The following VPS13B variants were observed in gnomAD, a reference collection of about 807,000 sequenced individuals.
The protein encoded by VPS13B is vacuolar protein sorting 13 homolog B.
VPS13B carries 285 observed loss-of-function variants against 426.4 expected under a neutral mutation model. The observed-to-expected ratio is 0.67, with a 90% CI of 0.61 to 0.74. The LOEUF (loss-of-function observed/expected upper bound fraction) is 0.74, where lower values mean the gene tolerates loss of function less well. VPS13B is among the 30% of genes least tolerant of loss of function. VPS13B has a pLI of 0.00. For missense variants in VPS13B, 4,537 were observed against 4,782.6 expected (o/e 0.95, Z 1.51); for synonymous variants, 1,676 against 1,676.4 (o/e 1.00, Z 0.01).
chr8:99,020,136 CTTG>C (rs1184906539), intron 2 of VPS13B, among the ~76,000 whole-genome samples: 3 of 127,786 alleles, frequency 2.3e-5, no homozygotes, highest in South Asian at 3.1e-4. Flanking sequence ...GTCACTAACA[CTTG>C]TTGTTTTACG....
intron 24 of VPS13B, among the ~76,000 whole-genome samples, chr8:99,468,144 C>T (rs1000408782): frequency 1.9e-4 from 29 of 152,028 alleles, no homozygotes; most frequent in African/African-American, 6.8e-4. Context: ...ATGCTATCCC[C>T]CGACCCCCCA....
At chr8:99,757,285 CA>C (rs767327757) in intron 39 of VPS13B, among the ~76,000 whole-genome samples, 9 of 152,198 alleles carry the variant, frequency 5.9e-5, no homozygotes, top group African/African-American at 9.6e-5. Context: ...ACCAGACTTA[CA>C]CCGTCAGCTA....
intron 22 of VPS13B, among the ~76,000 whole-genome samples, chr8:99,437,403 TTA>T (rs1817438163): frequency 6.7e-6 from 1 of 148,954 alleles, no homozygotes; most frequent in African/African-American, 2.6e-5. Context: ...GTCTTTTTTT[TTA>T]AAAAAAAATA....
intron 19 of VPS13B, among the ~76,000 whole-genome samples, chr8:99,278,319 T>C (rs1041729253): frequency 6.6e-6 from 1 of 152,152 alleles, no homozygotes; most frequent in African/African-American, 2.4e-5. Flanking sequence ...GCCTTTTGAC[T>C]GTGATTTGAG....
At chr8:99,365,580 G>A (rs1166216641) in intron 19 of VPS13B, among the ~76,000 whole-genome samples, 2 of 143,020 alleles carry the variant, frequency 1.4e-5, no homozygotes, top group East Asian at 2.0e-4. Flanking sequence ...GCAGTGGCAC[G>A]ATCTCGGCTC....
chr8:99,128,210 A>T (rs1020810187), intron 8 of VPS13B, among the ~76,000 whole-genome samples: 5 of 151,342 alleles, frequency 3.3e-5, no homozygotes, highest in Admixed American at 2.6e-4. Context: ...CCAACATGGA[A>T]ACCCCGTCTT....
chr8:99,638,816 A>G lies in VPS13B; in HGVS notation c.5221-2995A>G, dbSNP rs371710043. On this transcript the variant is annotated intron_variant, in intron 33 of 61. Coordinates refer to ENST00000357162, the MANE Select transcript of VPS13B (RefSeq NM_152564.5). ...GAATTCTCCATTTACATTTCTTTAT[A>G]TCGTAACAATCATGTAACTCTAGTC... Among the ~76,000 whole-genome samples the G allele has an allele frequency of 9.2e-5, 14 of 152,170 alleles. 1 individual carries two copies. The East Asian group carries it at 2.7e-3, about 29-fold the overall frequency.
At chr8:99,871,762 A>C in intron 61 of VPS13B, 65 bp downstream of exon 61, 1 of 1,608,792 alleles carries the variant, frequency 6.2e-7, no homozygotes, top group Non-Finnish European at 8.5e-7. Context: ...CAGGCTGGTC[A>C]CTGGTACCTA....
intron 39 of VPS13B, among the ~76,000 whole-genome samples, chr8:99,752,886 A>C (rs1333773519): frequency 6.6e-6 from 1 of 152,212 alleles, no homozygotes; most frequent in Admixed American, 6.5e-5. Context: ...TTGGTTTATG[A>C]GCATTGCTTA....
chr8:99,322,170 G>A (rs980889707), intron 19 of VPS13B, among the ~76,000 whole-genome samples: 2 of 151,994 alleles, frequency 1.3e-5, no homozygotes, highest in Non-Finnish European at 2.9e-5. Flanking sequence ...TCTTTTCCTA[G>A]AGCCATTTGT....
chr8:99,347,124 C>T (rs947074597), intron 19 of VPS13B: 14 of 102,254 alleles, frequency 1.4e-4, no homozygotes, highest in African/African-American at 5.0e-4. Flanking sequence ...CTGCTTAGAT[C>T]CCAGTGCTGT....
intron 14 of VPS13B, among the ~76,000 whole-genome samples, chr8:99,154,599 G>A (rs1342506567): frequency 6.6e-6 from 1 of 152,176 alleles, no homozygotes; most frequent in Non-Finnish European, 1.5e-5. Flanking sequence ...AAACCCAGCA[G>A]AAAGCAAAGT....
At chr8:99,831,763 T>C (rs1815074842) in intron 51 of VPS13B, among the ~76,000 whole-genome samples, 1 of 152,190 alleles carries the variant, frequency 6.6e-6, no homozygotes, top group South Asian at 2.1e-4. Flanking sequence ...AATATAGAGA[T>C]GATTTAAGTT....
chr8:99,624,514 A>G (rs1444362138), intron 33 of VPS13B, among the ~76,000 whole-genome samples: 1 of 152,168 alleles, frequency 6.6e-6, no homozygotes. Context: ...TATTTATAAA[A>G]TGTGTTCCTA....
chr8:99,851,332 C>T (rs1816283908), intron 55 of VPS13B, among the ~76,000 whole-genome samples: 1 of 152,118 alleles, frequency 6.6e-6, no homozygotes, highest in Non-Finnish European at 1.5e-5. Context: ...AATCCCTTCC[C>T]TAGAGAAGAT....
At chr8:99,870,732 A>T in intron 59 of VPS13B, 53 bp from the exon 60 acceptor site, 1 of 1,531,630 alleles carries the variant, frequency 6.5e-7, no homozygotes, top group Non-Finnish European at 9.1e-7. Flanking sequence ...TTGCAGCATG[A>T]AACTGTTTTC....
At chr8:99,870,605 A>T (rs1193926910) in intron 59 of VPS13B, among the ~76,000 whole-genome samples, 180 bp from the exon 60 acceptor site, 1 of 152,226 alleles carries the variant, frequency 6.6e-6, no homozygotes, top group Non-Finnish European at 1.5e-5. Context: ...CTAATGCAAG[A>T]TCACCAAGGT....
chr8:99,150,332 T>C (rs1389572886), intron 14 of VPS13B, among the ~76,000 whole-genome samples: 1 of 152,240 alleles, frequency 6.6e-6, no homozygotes, highest in African/African-American at 2.4e-5. Flanking sequence ...TCCCTCTTTG[T>C]CAACATCCCT....
intron 61 of VPS13B, among the ~76,000 whole-genome samples, chr8:99,874,001 C>T (rs1342200956): frequency 6.6e-6 from 1 of 152,208 alleles, no homozygotes; most frequent in Non-Finnish European, 1.5e-5. Context: ...TGACATCATG[C>T]AGTACATTTA....
Sources: allele counts gnomAD v4.1 joint callset (sites outside exome capture counted in the v4.1 genomes callset), GRCh38; gene constraint gnomAD v4.1.1; transcripts MANE v1.5; gene names NCBI Gene and HGNC (gene_info 2026-07-23, HGNC 2026-07-21).